The following MAP1B variants were observed in gnomAD, a reference collection of about 807,000 sequenced individuals.
MAP1B encodes the protein microtubule-associated protein 1B.
Under a neutral mutation model 176.1 loss-of-function variants are expected in MAP1B, and 12 were observed. The ratio of observed to expected loss-of-function variants is 0.07; its 90% confidence interval spans 0.04 to 0.11. The LOEUF (loss-of-function observed/expected upper bound fraction) is 0.11, where lower values mean the gene tolerates loss of function less well. Ranked by LOEUF, MAP1B falls within the 10% of genes least tolerant of loss-of-function variation. The pLI is 1.00. For missense variants in MAP1B, 2,523 were observed against 2,990.5 expected (o/e 0.84, Z 3.65); for synonymous variants, 1,044 against 1,135.0 (o/e 0.92, Z 1.61).
At chr5:72,108,404 A>G (rs888396746) in intron 1 of MAP1B, among the ~76,000 whole-genome samples, 17 of 152,160 alleles carry the variant, frequency 1.1e-4, no homozygotes, top group African/African-American at 3.6e-4. Flanking sequence ...AGAAAGGACA[A>G]TGGGACCCCA....
intron 2 of MAP1B, among the ~76,000 whole-genome samples, chr5:72,177,879 GT>G (rs1331111471): frequency 6.6e-6 from 1 of 152,166 alleles, no homozygotes; most frequent in Non-Finnish European, 1.5e-5. Flanking sequence ...TGGTAAAGAG[GT>G]TGAGTTGAAT....
intron 2 of MAP1B, among the ~76,000 whole-genome samples, chr5:72,152,890 CGCTGGGCCTGCTGGGTCT>C (rs1047012692): frequency 6.6e-5 from 10 of 152,144 alleles, no homozygotes; most frequent in African/African-American, 2.2e-4. Context: ...CTCTCATGCT[CGCTGGGCCTGCTGGGTCT>C]GCTGGGCCTG....
chr5:72,206,884 T>C lies in MAP1B; in HGVS notation c.*1645T>C, dbSNP rs935617873. ...TACTTGAGAGTGGGGGAGAATGGCA[T>C]GGTAGGCTACTTTTCAGGGCCTTGA... On this transcript the variant is annotated 3_prime_UTR_variant, in exon 7 of 7. Transcript: ENST00000296755. 8 of 152,168 alleles carry C rather than the reference T, an allele frequency of 5.3e-5. No homozygotes were observed. The highest frequency in any genetic ancestry group is 8.8e-5 in the Non-Finnish European group (6 of 68,032). 9.4% of individuals were successfully genotyped at this position (152,168 alleles called of 1,614,324 possible).
Position 72,175,682 on chromosome 5 carries a change from G to GT in MAP1B, c.287-8060dup, listed in dbSNP as rs1270518992. On this transcript the variant is annotated intron_variant, in intron 2 of 6. Transcript: ENST00000296755. ...GGAAAACCTAAGAGAATGGGACTGG[G>GT]TAGGAGAGAAACACCGAAGAGAGGA... 2.6e-5 allele frequency among the ~76,000 whole-genome samples: 4 copies of GT among 152,174 alleles called. No individual in the cohort carries two copies. The East Asian group carries it at 7.7e-4, about 29-fold the overall frequency.
chr5:72,143,985 C>T (rs1054747869), intron 2 of MAP1B, among the ~76,000 whole-genome samples: 28 of 152,150 alleles, frequency 1.8e-4, no homozygotes, highest in African/African-American at 4.8e-4. Context: ...TGTCACGTGG[C>T]GTGTTCTCCC....
At chr5:72,114,374 G>T (rs1745397003) in intron 1 of MAP1B, among the ~76,000 whole-genome samples, 1 of 152,122 alleles carries the variant, frequency 6.6e-6, no homozygotes, top group East Asian at 1.9e-4. Flanking sequence ...CTGTATACAT[G>T]ACTAATGTCC....
chr5:72,198,824 T>G lies in MAP1B; in HGVS notation c.5469T>G (p.Asp1823Glu). The change falls in exon 5 of 7, where the codon GAT becomes GAG. Residue 1823 changes from aspartate to glutamate, a missense_variant. Physicochemically the swap from Asp to Glu is conservative, Grantham distance 45. Coordinates refer to ENST00000296755, the MANE Select transcript of MAP1B (RefSeq NM_005909.5). ...ACAGTTCCTCTTCTCCACCAATAGATGCAGCATCCGCAGAGCCCTATGGCT... is the reference window on the plus strand; with the variant it reads ...ACAGTTCCTCTTCTCCACCAATAGAGGCAGCATCCGCAGAGCCCTATGGCT... ...TCHSSSSPPI[D>E]AASAEPYGFR... 6.2e-7 allele frequency: 1 copy of G among 1,614,220 alleles called. No individual in the cohort carries two copies. Among genetic ancestry groups the G allele is most frequent in the Non-Finnish European group, 8.5e-7 (1 of 1,180,036 alleles).
chr5:72,200,224 C>T lies in MAP1B; in HGVS notation c.6869C>T (p.Pro2290Leu), dbSNP rs1747300660. 1 of 1,614,030 alleles carries T rather than the reference C, an allele frequency of 6.2e-7. No homozygotes were observed. Among genetic ancestry groups the T allele is most frequent in the Admixed American group, 1.7e-5 (1 of 60,006 alleles). The change falls in exon 5 of 7, where the codon CCT becomes CTT. Residue 2290 changes from proline to leucine, a missense_variant. Physicochemically the swap from Pro to Leu is moderately conservative, Grantham distance 98 (BLOSUM62 -3). This residue lies in a region of MAP1B where 287 missense variants were observed against 401.5 expected (regional missense o/e 0.71). Coordinates refer to ENST00000296755, the MANE Select transcript of MAP1B (RefSeq NM_005909.5). Reference protein sequence around the residue: ...SSDKVSRVASPKKKESVEKAA... With the variant: ...SSDKVSRVASLKKKESVEKAA... ...GATAAAGTGTCCAGGGTGGCTTCTC[C>T]TAAGAAGAAAGAATCTGTGGAAAAG...
intron 1 of MAP1B, among the ~76,000 whole-genome samples, chr5:72,112,515 C>G (rs1188755118): frequency 6.6e-6 from 1 of 152,154 alleles, no homozygotes; most frequent in Non-Finnish European, 1.5e-5. Flanking sequence ...GCCCCATAAC[C>G]TATTCTTTTC....
chr5:72,126,076 C>G (rs115247276), intron 2 of MAP1B, among the ~76,000 whole-genome samples: 1,937 of 152,190 alleles, frequency 0.013, 21 homozygotes, highest in Middle Eastern at 0.041. Context: ...TGCCCTGAGG[C>G]TAGAATGGGT....
chr5:72,120,424 T>A (rs1745506151), intron 2 of MAP1B, among the ~76,000 whole-genome samples: 2 of 149,604 alleles, frequency 1.3e-5, no homozygotes, highest in South Asian at 4.2e-4. Context: ...ATAGTTTCTT[T>A]CTTTTTTTTT....
intron 2 of MAP1B, among the ~76,000 whole-genome samples, chr5:72,154,028 T>C (rs1483522605): frequency 6.6e-6 from 1 of 152,214 alleles, no homozygotes; most frequent in Non-Finnish European, 1.5e-5. Flanking sequence ...GCATTTAATC[T>C]TTCACATATT....
intron 5 of MAP1B, among the ~76,000 whole-genome samples, chr5:72,200,992 A>G (rs1013483911): frequency 2.0e-5 from 3 of 152,138 alleles, no homozygotes; most frequent in Admixed American, 1.3e-4. Context: ...TGAGAGAAAA[A>G]CATTGATGGC....
chr5:72,209,509 T>TTGA lies in MAP1B; in HGVS notation c.*4273_*4275dup, dbSNP rs1354820789. ...ATATCCCCTCTTCCATTGAGGATAT[T>TTGA]TGATGTAAAGGAAAAAAAAAAACTC... On this transcript the variant is annotated 3_prime_UTR_variant, in exon 7 of 7. Coordinates refer to ENST00000296755, the MANE Select transcript of MAP1B (RefSeq NM_005909.5). 2 of 152,104 alleles carry TTGA rather than the reference T, an allele frequency of 1.3e-5. No individual in the cohort carries two copies. The highest frequency in any genetic ancestry group is 2.9e-5 in the Non-Finnish European group (2 of 68,012). The allele number at this position is 152,104 out of a possible 1,614,324, so 9.4% of individuals were successfully genotyped here.
chr5:72,186,467 C>A lies in MAP1B; in HGVS notation c.370-147C>A. ...ATCCATTCAACCCTCCCGTGCTCTTCTGGCCTCCAGGAGAAATTAGACCTT... is the reference window on the plus strand; with the variant it reads ...ATCCATTCAACCCTCCCGTGCTCTTATGGCCTCCAGGAGAAATTAGACCTT... On this transcript the variant is annotated intron_variant, in intron 3 of 6. Coordinates refer to ENST00000296755, the MANE Select transcript of MAP1B (RefSeq NM_005909.5). The surrounding 1 kb of genome is among the most constrained non-coding windows in gnomAD (Gnocchi z 4.3). 1.1e-6 allele frequency: 1 copy of A among 932,788 alleles called. No homozygotes were observed. Among genetic ancestry groups the A allele is most frequent in the Non-Finnish European group, 1.6e-6 (1 of 615,236 alleles). 57.8% of individuals were successfully genotyped at this position (932,788 alleles called of 1,614,324 possible). A position where few individuals can be genotyped will look rare whatever the true frequency, so the allele number is the denominator to read the frequency against.
At chr5:72,189,176 G>C (rs1580015170) in intron 4 of MAP1B, among the ~76,000 whole-genome samples, 3 of 152,082 alleles carry the variant, frequency 2.0e-5, no homozygotes, top group South Asian at 2.1e-4. Flanking sequence ...TGAAAAAATA[G>C]AACTATCAGT....
chr5:72,184,985 C>T (rs991307071), intron 3 of MAP1B, among the ~76,000 whole-genome samples: 9 of 152,182 alleles, frequency 5.9e-5, no homozygotes, highest in East Asian at 1.9e-4. Flanking sequence ...CATTCTTCCC[C>T]GATGCCGACA....
In MAP1B at chr5:72,194,781, C is replaced by T. The variant is rs1747109346; in HGVS notation, c.1426C>T (p.His476Tyr). 1.2e-6 allele frequency: 2 copies of T among 1,614,064 alleles called. No homozygotes were observed. Among genetic ancestry groups the T allele is most frequent in the Non-Finnish European group, 1.7e-6 (2 of 1,180,040 alleles). The change falls in exon 5 of 7, where the codon CAT becomes TAT. Residue 476 changes from histidine (H) to tyrosine (Y), a missense_variant. This residue lies in a region of MAP1B where 1,925 missense variants were observed against 2,126.0 expected (regional missense o/e 0.91). Coordinates refer to ENST00000296755, the MANE Select transcript of MAP1B (RefSeq NM_005909.5). This position sits in a 1 kb window ranked among gnomAD's most constrained non-coding sequence, Gnocchi z 7.2. ...LTSVSSLIVW[H>Y]PANPAEKIIR... Reference sequence around the variant, plus strand: ...TTCAGTCTCATCTTTGATTGTGTGGCATCCAGCAAACCCTGCGGAGAAAAT... The same window carrying T: ...TTCAGTCTCATCTTTGATTGTGTGGTATCCAGCAAACCCTGCGGAGAAAAT...
At chr5:72,129,444 C>T (rs936155654) in intron 2 of MAP1B, among the ~76,000 whole-genome samples, 3 of 152,056 alleles carry the variant, frequency 2.0e-5, no homozygotes, top group African/African-American at 7.2e-5. Context: ...GTAGTCCCAG[C>T]TACTCGGGAG....
Sources: allele counts gnomAD v4.1 joint callset (sites outside exome capture counted in the v4.1 genomes callset), GRCh38; gene constraint gnomAD v4.1.1; regional missense constraint gnomAD v4.1.1; non-coding constraint Gnocchi (gnomAD v3.1); transcripts MANE v1.5; gene names NCBI Gene and HGNC (gene_info 2026-07-23, HGNC 2026-07-21).